Variants in FBXO8 observed in about 807,000 individuals in gnomAD.
FBXO8 encodes the protein F-box only protein 8.
FBXO8 carries 15 observed loss-of-function variants against 33.4 expected under a neutral mutation model. That is an observed-to-expected ratio of 0.45 (90% CI 0.30 to 0.69). The LOEUF (loss-of-function observed/expected upper bound fraction) is 0.69, where lower values mean the gene tolerates loss of function less well. Among genes scored for constraint, FBXO8 ranks in the 30% least tolerant of loss-of-function variants. FBXO8 has a pLI of 0.08. For synonymous variants in FBXO8, 132 were observed against 131.5 expected, an observed-to-expected ratio of 1.00 and a Z score of -0.02; for missense variants, 274 against 380.3, an observed-to-expected ratio of 0.72 and a Z score of 2.32.
chr4:174,266,061 T>C (rs1382564352), intron 1 of FBXO8, among the ~76,000 whole-genome samples: 1 of 152,176 alleles, frequency 6.6e-6, no homozygotes, highest in African/African-American at 2.4e-5. Context: ...TACAGAATCT[T>C]TCTAGTGGCA....
At position 174,262,745 on chromosome 4, in the gene FBXO8, T is replaced by G; in HGVS notation, c.329+19A>C. On this transcript the variant is annotated intron_variant, in intron 2 of 5. Coordinates refer to ENST00000393674, the MANE Select transcript of FBXO8 (RefSeq NM_012180.3). The surrounding 1 kb of genome is among the most constrained non-coding windows in gnomAD (Gnocchi z 4.6). ...ATGTTTAGAGATACCTGAATTCAAC[T>G]TTGGTGGGTTTAACTTACCCTTGCC... 1 of 1,605,836 alleles carries G rather than the reference T, an allele frequency of 6.2e-7. No individual in the cohort carries two copies. The highest frequency in any genetic ancestry group is 8.5e-7 in the Non-Finnish European group (1 of 1,173,372).
intron 1 of FBXO8, among the ~76,000 whole-genome samples, chr4:174,273,048 C>A (rs1257790648): frequency 1.3e-5 from 2 of 152,072 alleles, no homozygotes; most frequent in Non-Finnish European, 2.9e-5. Context: ...TGCCTCTAAT[C>A]TCAGTGCTTT....
chr4:174,276,820 C>T (rs1426368597), intron 1 of FBXO8, among the ~76,000 whole-genome samples: 1 of 152,108 alleles, frequency 6.6e-6, no homozygotes, highest in Non-Finnish European at 1.5e-5. Flanking sequence ...AGGTGGAGCT[C>T]CAATTACGCT....
In FBXO8 at chr4:174,259,748, T is replaced by C; in HGVS notation, c.407A>G (p.Tyr136Cys). 2 of 1,612,260 alleles carry C rather than the reference T, an allele frequency of 1.2e-6. No individual in the cohort carries two copies. The highest frequency in any genetic ancestry group is 1.7e-6 in the Non-Finnish European group (2 of 1,179,004). Residue 136 changes from tyrosine (Y) to cysteine (C), a missense_variant, in exon 3 of 6, where the codon TAT becomes TGT. Around this residue, in one of 2 missense-constraint regions of FBXO8, gnomAD observed 186 missense variants for 293.4 expected, o/e 0.63. Transcript: ENST00000393674. This position sits in a 1 kb window ranked among gnomAD's most constrained non-coding sequence, Gnocchi z 4.3. ...GAGGCTGCCTTCATCCAGCTGCATATACAATTTTCTAAAAGAAAATCCTAA... is the reference window on the plus strand; with the variant it reads ...GAGGCTGCCTTCATCCAGCTGCATACACAATTTTCTAAAAGAAAATCCTAA... Reference protein sequence around the residue: ...PPLGFSFRKLYMQLDEGSLTF... With the variant: ...PPLGFSFRKLCMQLDEGSLTF...
At chr4:174,243,515 G>C (rs1264578311) in intron 3 of FBXO8, among the ~76,000 whole-genome samples, 1 of 142,400 alleles carries the variant, frequency 7.0e-6, no homozygotes, top group Non-Finnish European at 1.6e-5. Context: ...AGGTTGGTGC[G>C]AAAGTGATTG....
rs763600181 is a variant in FBXO8, at chr4:174,257,379, CTG to C, written c.456+2318_456+2319del. On this transcript the variant is annotated intron_variant, in intron 3 of 5. Transcript: ENST00000393674. This position sits in a 1 kb window ranked among gnomAD's most constrained non-coding sequence, Gnocchi z 4.3. Reference sequence around the variant, plus strand: ...GCAATTACATCCAACTTTTCTGACTCTGTAACAATCTACAACTTAGTACTTAC... The same window carrying C: ...GCAATTACATCCAACTTTTCTGACTCTAACAATCTACAACTTAGTACTTAC... 1.6e-4 allele frequency among the ~76,000 whole-genome samples: 25 copies of C among 152,146 alleles called. No homozygotes were observed. The highest frequency in any genetic ancestry group is 1.9e-4 in the African/African-American group (8 of 41,448).
At chr4:174,268,898 T>C (rs1039080256) in intron 1 of FBXO8, among the ~76,000 whole-genome samples, 1 of 152,218 alleles carries the variant, frequency 6.6e-6, no homozygotes, top group Non-Finnish European at 1.5e-5. Flanking sequence ...CAACAGTTTT[T>C]TCAGCTCTTG....
chr4:174,271,928 G>T (rs889153799), intron 1 of FBXO8, among the ~76,000 whole-genome samples: 5 of 152,078 alleles, frequency 3.3e-5, no homozygotes, highest in African/African-American at 1.2e-4. Context: ...ACTCATCAAA[G>T]TTCTGCTATA....
rs562709113 is a variant in FBXO8, at chr4:174,253,748, T to C, written c.456+5951A>G. Among the ~76,000 whole-genome samples, 3 of 152,330 alleles carry C rather than the reference T, an allele frequency of 2.0e-5. No homozygotes were observed. Among genetic ancestry groups the C allele is most frequent in the South Asian group, 4.1e-4 (2 of 4,830 alleles). On this transcript the variant is annotated intron_variant, in intron 3 of 5. Transcript: ENST00000393674. This position sits in a 1 kb window ranked among gnomAD's most constrained non-coding sequence, Gnocchi z 4.5. ...TAGGGGTGCTCGTGTGATTCAATTA[T>C]GTTCTATAAGAAATGAGTAGAAGTA...
chr4:174,256,017 A>G lies in FBXO8; in HGVS notation c.456+3682T>C, dbSNP rs1736406609. The G allele has an allele frequency of 2.2e-6, 1 of 452,998 alleles. No individual in the cohort carries two copies. The allele number at this position is 452,998 out of a possible 1,614,324, so 28.1% of individuals were successfully genotyped here. A position where few individuals can be genotyped will look rare whatever the true frequency, so the allele number is the denominator to read the frequency against. On this transcript the variant is annotated intron_variant, in intron 3 of 5. Coordinates refer to ENST00000393674, the MANE Select transcript of FBXO8 (RefSeq NM_012180.3). The surrounding 1 kb of genome is among the most constrained non-coding windows in gnomAD (Gnocchi z 4.6). The stretch of plus-strand genomic sequence containing the variant: ...CATGCATAGTACAACAGCGTGCCAG[A>G]TTATCGTACCACAAACTGTGCAGAT...
intron 1 of FBXO8, among the ~76,000 whole-genome samples, chr4:174,282,768 T>C (rs1195609249): frequency 6.6e-6 from 1 of 152,226 alleles, no homozygotes; most frequent in Non-Finnish European, 1.5e-5. Flanking sequence ...GAATCAATTA[T>C]TTTATTAGTA....
Position 174,237,905 on chromosome 4 carries a change from A to G in FBXO8, c.773-306T>C, listed in dbSNP as rs932362822. ...GTTTAGGAGTGTATAGTAAAAATTCATTCTAGATTTAAAAAATTTAGAATT... is the reference window on the plus strand; with the variant it reads ...GTTTAGGAGTGTATAGTAAAAATTCGTTCTAGATTTAAAAAATTTAGAATT... On this transcript the variant is annotated intron_variant, in intron 5 of 5. Coordinates refer to ENST00000393674, the MANE Select transcript of FBXO8 (RefSeq NM_012180.3). This position sits in a 1 kb window ranked among gnomAD's most constrained non-coding sequence, Gnocchi z 4.4. 6.6e-6 allele frequency among the ~76,000 whole-genome samples: 1 copy of G among 152,108 alleles called. No individual in the cohort carries two copies. Among genetic ancestry groups the G allele is most frequent in the Non-Finnish European group, 1.5e-5 (1 of 67,954 alleles).
In FBXO8 at chr4:174,263,148, C is replaced by T; in HGVS notation, c.-8-48G>A. 1.3e-6 allele frequency: 2 copies of T among 1,516,266 alleles called. No homozygotes were observed. Among genetic ancestry groups the T allele is most frequent in the Non-Finnish European group, 1.8e-6 (2 of 1,113,728 alleles). The allele number at this position is 1,516,266 out of a possible 1,614,324, so 93.9% of individuals were successfully genotyped here. A position where few individuals can be genotyped will look rare whatever the true frequency, so the allele number is the denominator to read the frequency against. On this transcript the variant is annotated intron_variant, in intron 1 of 5. Transcript: ENST00000393674. The surrounding 1 kb of genome is among the most constrained non-coding windows in gnomAD (Gnocchi z 4.2). ...TAAGGGTGACATTTAAAAAGTAACC[C>T]ATTTTTCCCAGTGGTATAACAAATC...
chr4:174,271,888 A>C (rs1407861261), intron 1 of FBXO8, among the ~76,000 whole-genome samples: 4 of 152,172 alleles, frequency 2.6e-5, no homozygotes, highest in Non-Finnish European at 5.9e-5. Context: ...TATATATATT[A>C]TGTATTTGGG....
intron 3 of FBXO8, among the ~76,000 whole-genome samples, chr4:174,244,005 C>T (rs1450070883): frequency 6.6e-6 from 1 of 151,020 alleles, no homozygotes; most frequent in African/African-American, 2.4e-5. Flanking sequence ...TAAGAAAGAG[C>T]GGAGGGACAT....
rs905197556 is a variant in FBXO8 at position 174,278,690 on chromosome 4, C to T, written c.-9+4720G>A. Reference sequence around the variant, plus strand: ...TCCTAACCCACCTTCTCAGTATACACATACTCACCTGCCCACTAACCACAA... The same window carrying T: ...TCCTAACCCACCTTCTCAGTATACATATACTCACCTGCCCACTAACCACAA... On this transcript the variant is annotated intron_variant, in intron 1 of 5. Transcript: ENST00000393674. This position sits in a 1 kb window ranked among gnomAD's most constrained non-coding sequence, Gnocchi z 4.1. 1.3e-5 allele frequency among the ~76,000 whole-genome samples: 2 copies of T among 152,058 alleles called. No individual in the cohort carries two copies. Among genetic ancestry groups the T allele is most frequent in the African/African-American group, 4.8e-5 (2 of 41,438 alleles).
intron 3 of FBXO8, among the ~76,000 whole-genome samples, chr4:174,244,059 A>C (rs1003963564): frequency 6.6e-6 from 1 of 151,574 alleles, no homozygotes; most frequent in Non-Finnish European, 1.5e-5. Context: ...GGAAAGAAGA[A>C]AAGATTAAGA....
intron 3 of FBXO8, among the ~76,000 whole-genome samples, chr4:174,243,885 C>T (rs1478015321): frequency 6.6e-6 from 1 of 151,184 alleles, no homozygotes; most frequent in Non-Finnish European, 1.5e-5. Flanking sequence ...ATAAAAGTTT[C>T]CAATTTTGGG....
At position 174,275,001 on chromosome 4, in the gene FBXO8, TGAAAG is replaced by T. The variant is rs1215500681; in HGVS notation, c.-9+8404_-9+8408del. Among the ~76,000 whole-genome samples, 17 of 152,284 alleles carry T rather than the reference TGAAAG, an allele frequency of 1.1e-4. No individual in the cohort carries two copies. Among genetic ancestry groups the T allele is most frequent in the Admixed American group, 1.3e-4 (2 of 15,300 alleles). On this transcript the variant is annotated intron_variant, in intron 1 of 5. Transcript: ENST00000393674. This position sits in a 1 kb window ranked among gnomAD's most constrained non-coding sequence, Gnocchi z 4.4. ...TCTTTGAAAGTCTATATTTGGAAGA[TGAAAG>T]GAAAGCCTACAGATTGAGAGAAAAT...
Sources: allele counts gnomAD v4.1 joint callset (sites outside exome capture counted in the v4.1 genomes callset), GRCh38; gene constraint gnomAD v4.1.1; regional missense constraint gnomAD v4.1.1; non-coding constraint Gnocchi (gnomAD v3.1); transcripts MANE v1.5; gene names NCBI Gene and HGNC (gene_info 2026-07-23, HGNC 2026-07-21).